The following CDK19 variants were observed in gnomAD, a reference collection of about 807,000 sequenced individuals.
CDK19 encodes the protein cyclin-dependent kinase 19.
CDK19 carries 20 observed loss-of-function variants against 68.3 expected under a neutral mutation model. The ratio of observed to expected loss-of-function variants is 0.29; its 90% confidence interval spans 0.21 to 0.43. The LOEUF (loss-of-function observed/expected upper bound fraction) is 0.43. CDK19 is among the 20% of genes least tolerant of loss of function. CDK19 has a pLI of 1.00. For synonymous variants in CDK19, 221 were observed against 222.8 expected (o/e 0.99, Z 0.07); for missense variants, 339 against 623.5 (o/e 0.54, Z 4.86).
chr6:110,683,174 CAAAAAAAAAAAAAA>C (rs58912406), intron 2 of CDK19, among the ~76,000 whole-genome samples: 9 of 49,578 alleles, frequency 1.8e-4, no homozygotes, highest in African/African-American at 6.8e-4. Context: ...AGACTGTCTC[CAAAAAAAAAAAAAA>C]AAAAAAAAAG....
At chr6:110,655,119 G>A (rs955021906) in intron 4 of CDK19, among the ~76,000 whole-genome samples, 1 of 152,046 alleles carries the variant, frequency 6.6e-6, no homozygotes, top group African/African-American at 2.4e-5. Flanking sequence ...TGTAATCCCA[G>A]CACTTTGGGA....
intron 1 of CDK19, among the ~76,000 whole-genome samples, chr6:110,793,974 T>C (rs1021207993): frequency 6.6e-6 from 1 of 152,236 alleles, no homozygotes; most frequent in Non-Finnish European, 1.5e-5. Context: ...ATATTGGTTT[T>C]TCTGTTGCAC....
At chr6:110,695,866 C>G (rs1773434199) in intron 2 of CDK19, among the ~76,000 whole-genome samples, 1 of 150,904 alleles carries the variant, frequency 6.6e-6, no homozygotes, top group African/African-American at 2.4e-5. Flanking sequence ...AAAAAACTAC[C>G]AACAAAAAAA....
chr6:110,728,055 C>T (rs935591566), intron 2 of CDK19, among the ~76,000 whole-genome samples: 2 of 151,200 alleles, frequency 1.3e-5, no homozygotes, highest in Non-Finnish European at 2.9e-5. Context: ...CTTTGGGAGG[C>T]CAAGGTGGGG....
At chr6:110,692,973 G>A (rs1773142763) in intron 2 of CDK19, among the ~76,000 whole-genome samples, 1 of 152,016 alleles carries the variant, frequency 6.6e-6, no homozygotes, top group African/African-American at 2.4e-5. Context: ...CTCCAGCCTG[G>A]GCAACAAAGC....
At chr6:110,812,310 G>A (rs926440546) in intron 1 of CDK19, among the ~76,000 whole-genome samples, 2 of 152,020 alleles carry the variant, frequency 1.3e-5, no homozygotes, top group Admixed American at 1.3e-4. Flanking sequence ...TTTTAATAGA[G>A]ACGGGGTTTC....
chr6:110,623,315 T>A lies in CDK19; in HGVS notation c.908A>T (p.Lys303Met). The A allele has an allele frequency of 6.2e-7, 1 of 1,614,020 alleles. No individual in the cohort carries two copies. Among genetic ancestry groups the A allele is most frequent in the Non-Finnish European group, 8.5e-7 (1 of 1,179,888 alleles). ...CAAGAGGAACACTTTGCTGTCAGGC[T>A]TGACCTTGTGTTTCTCCATGTACTT... ...LIKYMEKHKV[K>M]PDSKVFLLLQ... Residue 303 changes from lysine (K) to methionine (M), a missense_variant, in exon 9 of 13, where the codon AAG becomes ATG. Physicochemically the swap from Lys to Met is moderately conservative, Grantham distance 95. Around this residue, in one of 4 missense-constraint regions of CDK19, gnomAD observed 63 missense variants for 156.5 expected, o/e 0.40. Coordinates refer to ENST00000368911, the MANE Select transcript of CDK19 (RefSeq NM_015076.5).
At chr6:110,708,430 C>T (rs1446460959) in intron 2 of CDK19, among the ~76,000 whole-genome samples, 1 of 152,212 alleles carries the variant, frequency 6.6e-6, no homozygotes, top group Non-Finnish European at 1.5e-5. Flanking sequence ...CCCCCTATAG[C>T]TCCACCTAGG....
At chr6:110,698,263 A>G in intron 2 of CDK19, among the ~76,000 whole-genome samples, 1 of 152,220 alleles carries the variant, frequency 6.6e-6, no homozygotes, top group East Asian at 1.9e-4. Flanking sequence ...TATGCATCCA[A>G]CAAAGGACTA....
At chr6:110,797,412 A>G (rs530208454) in intron 1 of CDK19, among the ~76,000 whole-genome samples, 2 of 152,354 alleles carry the variant, frequency 1.3e-5, no homozygotes, top group East Asian at 3.9e-4. Context: ...CACTACAAAG[A>G]AGAGTTTGTG....
intron 4 of CDK19, among the ~76,000 whole-genome samples, chr6:110,666,588 G>A (rs1374088587): frequency 6.6e-6 from 1 of 151,926 alleles, no homozygotes; most frequent in Non-Finnish European, 1.5e-5. Context: ...AGGTCCCAAC[G>A]GATACTAACT....
chr6:110,749,381 CT>C (rs899031772), intron 1 of CDK19, among the ~76,000 whole-genome samples: 20 of 145,958 alleles, frequency 1.4e-4, no homozygotes, highest in Non-Finnish European at 2.1e-4. Context: ...CACTATGTTC[CT>C]TTTTTTTTTG....
intron 2 of CDK19, among the ~76,000 whole-genome samples, chr6:110,710,632 G>A (rs1311042111): frequency 3.3e-5 from 5 of 152,212 alleles, no homozygotes; most frequent in African/African-American, 1.2e-4. Flanking sequence ...CTTCCTCAGA[G>A]ACTGCCATCT....
chr6:110,716,192 G>C (rs1053909793), intron 2 of CDK19, among the ~76,000 whole-genome samples: 2 of 151,942 alleles, frequency 1.3e-5, no homozygotes, highest in African/African-American at 2.4e-5. Flanking sequence ...TTTAAAAAAT[G>C]TTCTTTTAAA....
intron 4 of CDK19, among the ~76,000 whole-genome samples, chr6:110,657,478 C>T (rs753692042): frequency 6.6e-6 from 1 of 152,132 alleles, no homozygotes; most frequent in African/African-American, 2.4e-5. Context: ...TATCAAAACT[C>T]ATCAATTTGT....
At chr6:110,691,617 CTATTTTATTT>C (rs1046143716) in intron 2 of CDK19, among the ~76,000 whole-genome samples, 38 of 151,662 alleles carry the variant, frequency 2.5e-4, no homozygotes, top group African/African-American at 7.5e-4. Flanking sequence ...AACCTCATCT[CTATTTTATTT>C]TATTTTATTT....
intron 2 of CDK19, among the ~76,000 whole-genome samples, chr6:110,734,574 T>C (rs1229753786): frequency 7.1e-6 from 1 of 141,528 alleles, no homozygotes; most frequent in East Asian, 2.0e-4. Context: ...GTCTGGGCTT[T>C]CCTCCATGCT....
chr6:110,701,522 A>G (rs1468435665), intron 2 of CDK19, among the ~76,000 whole-genome samples: 2 of 151,704 alleles, frequency 1.3e-5, no homozygotes, highest in Admixed American at 6.6e-5. Flanking sequence ...ACTGCACTCC[A>G]GCCTGGGCAA....
intron 8 of CDK19, chr6:110,623,565 T>TTTCCAAAGGGATTGTA: frequency 3.6e-6 from 1 of 276,864 alleles, no homozygotes; most frequent in Non-Finnish European, 5.5e-6. Flanking sequence ...TTTATACTGT[T>TTTCCAAAGGGATTGTA]ACAATCCCTT....
Sources: gnomAD v4.1 joint callset for allele counts (sites outside exome capture counted in the v4.1 genomes callset) on GRCh38, gnomAD v4.1.1 for gene constraint, gnomAD v4.1.1 regional missense constraint, MANE v1.5 for transcripts, NCBI Gene and HGNC (gene_info 2026-07-23, HGNC 2026-07-21) for gene names.